NXPE2: variants seen among roughly 807,000 people sequenced by gnomAD.
NXPE2 encodes neurexophilin and PC-esterase domain family member 2, also known as NXPE family member 2.
A neutral mutation model predicts 34.4 loss-of-function variants in NXPE2; 34 were observed. The observed-to-expected ratio is 0.99, with a 90% CI of 0.75 to 1.31. The LOEUF is 1.31. Ranked by LOEUF, NXPE2 falls within the 40% of genes most tolerant of loss-of-function variation. NXPE2 has a pLI of 0.00. For missense variants in NXPE2, 649 were observed against 672.5 expected (o/e 0.97, Z 0.39); for synonymous variants, 235 against 231.3 (o/e 1.02, Z -0.15).
chr11:114,501,864 T>G, the NXPE2 span, among the ~76,000 whole-genome samples: 5 of 152,220 alleles, frequency 3.3e-5, no homozygotes, highest in Non-Finnish European at 7.3e-5. Context: ...AGGGTTTGGC[T>G]GGAAAGAACA....
the NXPE2 span, chr11:114,529,169 G>T: frequency 4.9e-6 from 1 of 204,206 alleles, no homozygotes; most frequent in African/African-American, 2.3e-5. Context: ...ATTCTACTCT[G>T]TCACCAAGCT....
chr11:114,620,544 G>C, the NXPE2 span, among the ~76,000 whole-genome samples: 4 of 152,050 alleles, frequency 2.6e-5, no homozygotes, highest in African/African-American at 9.6e-5. Context: ...AATAAGTGTT[G>C]CCTCTAGGGT....
At chr11:114,784,731 G>A in the NXPE2 span, among the ~76,000 whole-genome samples, 5 of 152,088 alleles carry the variant, frequency 3.3e-5, no homozygotes, top group South Asian at 8.3e-4. Context: ...CTTTGAAATG[G>A]AGAAAAGCCA....
the NXPE2 span, among the ~76,000 whole-genome samples, chr11:114,629,566 A>T: frequency 2.0e-5 from 3 of 152,070 alleles, no homozygotes; most frequent in East Asian, 5.8e-4. Context: ...CCAATATCAT[A>T]TTGAATGGGC....
At chr11:114,718,909 C>T in the NXPE2 span, among the ~76,000 whole-genome samples, 1 of 152,138 alleles carries the variant, frequency 6.6e-6, no homozygotes, top group Non-Finnish European at 1.5e-5. Flanking sequence ...AGAAATGGGG[C>T]TCGCTCTGCT....
the NXPE2 span, among the ~76,000 whole-genome samples, chr11:114,750,904 C>A: frequency 2.6e-5 from 4 of 152,064 alleles, no homozygotes; most frequent in Non-Finnish European, 5.9e-5. Flanking sequence ...GTTTTGATAG[C>A]AAATGATTCA....
intron 3 of NXPE2, among the ~76,000 whole-genome samples, chr11:114,700,530 A>T (rs9971374): frequency 1.3e-5 from 2 of 152,114 alleles, no homozygotes; most frequent in Non-Finnish European, 2.9e-5. Flanking sequence ...GCGGGAAGTG[A>T]GGGAGAGAGA....
At chr11:114,611,150 C>T in the NXPE2 span, among the ~76,000 whole-genome samples, 1,555 of 151,476 alleles carry the variant, frequency 0.01, 23 homozygotes, top group African/African-American at 0.035. Flanking sequence ...CACTGTTACC[C>T]GGAGGATAAT....
At chr11:114,713,004 G>A in the NXPE2 span, among the ~76,000 whole-genome samples, 7 of 152,164 alleles carry the variant, frequency 4.6e-5, no homozygotes, top group African/African-American at 1.4e-4. Flanking sequence ...AGGATATTAT[G>A]CGAAGTGGAA....
At chr11:114,636,295 A>T in the NXPE2 span, among the ~76,000 whole-genome samples, 8 of 151,424 alleles carry the variant, frequency 5.3e-5, no homozygotes, top group African/African-American at 1.9e-4. Flanking sequence ...TATTTCTGTG[A>T]GATCGGTGGT....
the NXPE2 span, among the ~76,000 whole-genome samples, chr11:114,663,870 T>G: frequency 6.6e-6 from 1 of 152,062 alleles, no homozygotes; most frequent in Non-Finnish European, 1.5e-5. Flanking sequence ...AATCTGTCAT[T>G]AGGGAAATAA....
At chr11:114,681,397 C>A (rs1476535850) in intron 2 of NXPE2, among the ~76,000 whole-genome samples, 1 of 152,158 alleles carries the variant, frequency 6.6e-6, no homozygotes. Flanking sequence ...TTCAGCAGCT[C>A]CTCATGTAGC....
the NXPE2 span, among the ~76,000 whole-genome samples, chr11:114,770,824 C>T: frequency 6.6e-6 from 1 of 152,124 alleles, no homozygotes; most frequent in African/African-American, 2.4e-5. Context: ...ATGTCTTGCA[C>T]TCATGTTAAA....
the NXPE2 span, among the ~76,000 whole-genome samples, chr11:114,749,592 G>T: frequency 6.6e-6 from 1 of 152,160 alleles, no homozygotes. Flanking sequence ...ATGCACCACA[G>T]GGCTCATTCT....
the NXPE2 span, among the ~76,000 whole-genome samples, chr11:114,611,383 G>A: frequency 0.15 from 21,686 of 148,022 alleles, 1,883 homozygotes; most frequent in East Asian, 0.38. Context: ...GTGTTGCCTC[G>A]TGGGTAACCA....
At chr11:114,473,672 G>A in the NXPE2 span, among the ~76,000 whole-genome samples, 1 of 152,330 alleles carries the variant, frequency 6.6e-6, no homozygotes, top group Admixed American at 6.5e-5. Flanking sequence ...AGAAATGTTA[G>A]AAATTGTTTA....
the NXPE2 span, among the ~76,000 whole-genome samples, chr11:114,624,406 G>A: frequency 1.3e-5 from 2 of 152,230 alleles, no homozygotes; most frequent in East Asian, 3.9e-4. Flanking sequence ...TGCCTCATTG[G>A]TAACCACTGT....
chr11:114,601,901 AT>A, the NXPE2 span, among the ~76,000 whole-genome samples: 6 of 43,538 alleles, frequency 1.4e-4, no homozygotes, highest in Admixed American at 1.8e-3. Flanking sequence ...TTATATTTAT[AT>A]ATATTATATA....
chr11:114,580,319 T>C, the NXPE2 span: 1 of 1,613,952 alleles, frequency 6.2e-7, no homozygotes, highest in African/African-American at 1.3e-5. Flanking sequence ...TGCATTTCTC[T>C]TTCATTGCAA....
Sources: gnomAD v4.1 joint callset for allele counts (sites outside exome capture counted in the v4.1 genomes callset) on GRCh38, gnomAD v4.1.1 for gene constraint, MANE v1.5 for transcripts, NCBI Gene and HGNC (gene_info 2026-07-23, HGNC 2026-07-21) for gene names.